Variants in DACH1 observed in about 807,000 individuals in gnomAD.
DACH1 encodes dachshund family transcription factor 1, also known as dachshund homolog 1.
In DACH1, 12 loss-of-function variants were observed where a neutral mutation model predicts 54.2. That is an observed-to-expected ratio of 0.22 (90% CI 0.14 to 0.36). The LOEUF (loss-of-function observed/expected upper bound fraction) is 0.36. Ranked by LOEUF, DACH1 falls within the 10% of genes least tolerant of loss-of-function variation. The pLI, the probability that DACH1 is intolerant of heterozygous loss-of-function variation, is 1.00. For missense variants in DACH1, 805 were observed against 929.8 expected, an observed-to-expected ratio of 0.87 and a Z score of 1.75; for synonymous variants, 386 against 366.2, an observed-to-expected ratio of 1.05 and a Z score of -0.62.
At chr13:71,466,467 T>C (rs184713292) in intron 10 of DACH1, among the ~76,000 whole-genome samples, 113 of 152,324 alleles carry the variant, frequency 7.4e-4, no homozygotes, top group African/African-American at 2.6e-3. Context: ...CAATCCATCA[T>C]TCTTGATATT....
chr13:71,469,132 C>CCA (rs2138157408), intron 10 of DACH1, among the ~76,000 whole-genome samples: 1 of 152,154 alleles, frequency 6.6e-6, no homozygotes, highest in Admixed American at 6.5e-5. Flanking sequence ...CCCAGAAACC[C>CCA]CATTAACTAG....
At chr13:71,771,847 G>A (rs1257046445) in intron 1 of DACH1, among the ~76,000 whole-genome samples, 1 of 150,048 alleles carries the variant, frequency 6.7e-6, no homozygotes, top group African/African-American at 2.4e-5. Context: ...GTAAATGTTA[G>A]TTACATAAAG....
chr13:71,514,265 G>C (rs2138264906), intron 6 of DACH1, among the ~76,000 whole-genome samples: 1 of 151,862 alleles, frequency 6.6e-6, no homozygotes, highest in South Asian at 2.1e-4. Context: ...AATAGATAAG[G>C]CTAAATCTAA....
intron 2 of DACH1, among the ~76,000 whole-genome samples, chr13:71,648,633 C>T (rs890543666): frequency 1.3e-5 from 2 of 152,080 alleles, no homozygotes. Context: ...GTTCCAATCC[C>T]CTCTCAGTCG....
intron 6 of DACH1, among the ~76,000 whole-genome samples, chr13:71,538,353 G>A (rs1882934736): frequency 6.7e-6 from 1 of 150,214 alleles, no homozygotes; most frequent in South Asian, 2.1e-4. Context: ...TAATGGGAGT[G>A]TTTCTGATGT....
intron 2 of DACH1, among the ~76,000 whole-genome samples, chr13:71,667,479 C>T (rs1409767543): frequency 4.6e-5 from 7 of 152,032 alleles, no homozygotes; most frequent in African/African-American, 1.7e-4. Context: ...AGCAAACCAC[C>T]CCATTTCATT....
chr13:71,721,784 A>G (rs1883240534), intron 1 of DACH1, among the ~76,000 whole-genome samples: 1 of 152,200 alleles, frequency 6.6e-6, no homozygotes, highest in African/African-American at 2.4e-5. Flanking sequence ...TATGTTGGAA[A>G]AAAAGAAATA....
chr13:71,797,395 A>G (rs2138112794), intron 1 of DACH1, among the ~76,000 whole-genome samples: 1 of 152,276 alleles, frequency 6.6e-6, no homozygotes, highest in South Asian at 2.1e-4. Context: ...TCATGGTAAG[A>G]TGATACCCTT....
chr13:71,715,303 C>T (rs1418555037), intron 1 of DACH1, among the ~76,000 whole-genome samples: 1 of 152,054 alleles, frequency 6.6e-6, no homozygotes, highest in Non-Finnish European at 1.5e-5. Flanking sequence ...TCCACATCTT[C>T]CCTTCCCTAA....
intron 1 of DACH1, among the ~76,000 whole-genome samples, chr13:71,731,081 A>G (rs1446794642): frequency 6.6e-6 from 1 of 152,110 alleles, no homozygotes; most frequent in Non-Finnish European, 1.5e-5. Context: ...CTTTTGCAAT[A>G]ATCTGAAGTG....
intron 1 of DACH1, among the ~76,000 whole-genome samples, chr13:71,825,697 C>T: frequency 6.6e-6 from 1 of 152,008 alleles, no homozygotes; most frequent in East Asian, 1.9e-4. Context: ...TTTATCTATT[C>T]ATCAGCTGAT....
intron 6 of DACH1, among the ~76,000 whole-genome samples, chr13:71,513,560 G>A (rs1006299717): frequency 6.6e-6 from 1 of 151,980 alleles, no homozygotes; most frequent in African/African-American, 2.4e-5. Context: ...ACTGTACCAT[G>A]CTATTATGGA....
intron 1 of DACH1, among the ~76,000 whole-genome samples, chr13:71,748,840 TTTTCTCTTTC>T (rs1455833442): frequency 2.1e-5 from 3 of 146,132 alleles, no homozygotes; most frequent in African/African-American, 7.6e-5. Flanking sequence ...AAAAAATATT[TTTTCTCTTTC>T]TTTCTTTCTT....
intron 1 of DACH1, among the ~76,000 whole-genome samples, chr13:71,822,675 TAA>T (rs1173509593): frequency 6.6e-6 from 1 of 152,220 alleles, no homozygotes; most frequent in Non-Finnish European, 1.5e-5. Flanking sequence ...AATTTGAAAT[TAA>T]CCTGTCACTT....
chr13:71,620,877 A>AT (rs150048168), intron 3 of DACH1, among the ~76,000 whole-genome samples: 1 of 151,746 alleles, frequency 6.6e-6, no homozygotes, highest in East Asian at 1.9e-4. Flanking sequence ...TGAATTATTT[A>AT]TTTTTTTTAA....
At chr13:71,712,563 A>C (rs1319484028) in intron 1 of DACH1, among the ~76,000 whole-genome samples, 1 of 152,152 alleles carries the variant, frequency 6.6e-6, no homozygotes, top group East Asian at 1.9e-4. Context: ...TGTAGTCTAA[A>C]GTTCAGGATT....
intron 10 of DACH1, among the ~76,000 whole-genome samples, chr13:71,451,656 A>G (rs895010696): frequency 6.6e-6 from 1 of 152,214 alleles, no homozygotes; most frequent in African/African-American, 2.4e-5. Context: ...TCAATTTTAT[A>G]AATTATTTTT....
chr13:71,816,449 G>T (rs1433360283), intron 1 of DACH1, among the ~76,000 whole-genome samples: 1 of 151,558 alleles, frequency 6.6e-6, no homozygotes, highest in African/African-American at 2.4e-5. Context: ...AAAGACACAT[G>T]CATGTGCGTG....
intron 6 of DACH1, among the ~76,000 whole-genome samples, chr13:71,496,528 G>C (rs981812588): frequency 2.6e-5 from 4 of 151,670 alleles, no homozygotes; most frequent in African/African-American, 7.3e-5. Context: ...CAAGGACATA[G>C]AGTGTAGACT....
Sources: allele counts gnomAD v4.1 joint callset (sites outside exome capture counted in the v4.1 genomes callset), GRCh38; gene constraint gnomAD v4.1.1; transcripts MANE v1.5; gene names NCBI Gene and HGNC (gene_info 2026-07-23, HGNC 2026-07-21).